CPPED1: variants seen among roughly 807,000 people sequenced by gnomAD.
CPPED1 encodes the protein serine/threonine-protein phosphatase CPPED1.
A neutral mutation model predicts 28.0 loss-of-function variants in CPPED1; 28 were observed. The ratio of observed to expected loss-of-function variants is 1.00; its 90% CI spans 0.74 to 1.37. The LOEUF (loss-of-function observed/expected upper bound fraction) is 1.37. CPPED1 is among the 40% of genes most tolerant of loss of function. CPPED1 has a pLI of 0.00. For synonymous variants in CPPED1, 198 were observed against 180.2 expected, an observed-to-expected ratio of 1.10 and a Z score of -0.79; for missense variants, 504 against 416.5, an observed-to-expected ratio of 1.21 and a Z score of -1.83.
intron 3 of CPPED1, among the ~76,000 whole-genome samples, chr16:12,693,101 G>T (rs1489987631): frequency 6.6e-6 from 1 of 152,158 alleles, no homozygotes; most frequent in East Asian, 1.9e-4. Context: ...TACAACTGAC[G>T]TGCTCAGTTT....
intron 1 of CPPED1, among the ~76,000 whole-genome samples, chr16:12,786,248 T>A (rs1317469702): frequency 6.6e-6 from 1 of 152,120 alleles, no homozygotes; most frequent in East Asian, 1.9e-4. Context: ...ATCCACTGGG[T>A]GAGGATCTGC....
intron 2 of CPPED1, among the ~76,000 whole-genome samples, chr16:12,770,953 A>G (rs8051507): frequency 0.42 from 62,933 of 151,034 alleles, 13,615 homozygotes; most frequent in African/African-American, 0.52. Context: ...TTTTGACCAC[A>G]GTGACCCCGA....
At chr16:12,803,678 C>A (rs984206020) in intron 1 of CPPED1, 29 bp downstream of exon 1, 4 of 1,490,750 alleles carry the variant, frequency 2.7e-6, no homozygotes, top group Admixed American at 5.0e-5. Context: ...GCCCCAGAGT[C>A]CCCTCCCCGG....
At chr16:12,742,363 T>C (rs558106461) in intron 2 of CPPED1, among the ~76,000 whole-genome samples, 3 of 152,312 alleles carry the variant, frequency 2.0e-5, no homozygotes, top group African/African-American at 2.4e-5. Flanking sequence ...TCGGACAAGA[T>C]GAGGAAGGTA....
chr16:12,769,903 C>A (rs2080460184), intron 2 of CPPED1, among the ~76,000 whole-genome samples: 1 of 152,170 alleles, frequency 6.6e-6, no homozygotes, highest in African/African-American at 2.4e-5. Context: ...TTTCTTGGAG[C>A]CTGGTGTAGA....
rs143409742 is a variant in CPPED1 at position 12,664,868 on chromosome 16, C to A, written c.*18G>T. On this transcript the variant is annotated 3_prime_UTR_variant, in exon 4 of 4. Transcript: ENST00000381774. The surrounding 1 kb of genome is among the most constrained non-coding windows in gnomAD (Gnocchi z 4.2). ...AAAAATAGTGCAAGTGAAAAGTGAACGGGAACGGGAAGGAGCGTCATTTTT... is the reference window on the plus strand; with the variant it reads ...AAAAATAGTGCAAGTGAAAAGTGAAAGGGAACGGGAAGGAGCGTCATTTTT... The A allele has an allele frequency of 2.5e-6, 4 of 1,607,662 alleles. No individual in the cohort carries two copies. The highest frequency in any genetic ancestry group is 3.4e-6 in the Non-Finnish European group (4 of 1,178,042).
intron 2 of CPPED1, among the ~76,000 whole-genome samples, chr16:12,762,116 T>A (rs2080413514): frequency 6.6e-6 from 1 of 152,102 alleles, no homozygotes. Flanking sequence ...AATAAACATA[T>A]CCTCGGCTAA....
At chr16:12,720,498 T>C (rs1351453847) in intron 2 of CPPED1, 1 of 152,254 alleles carries the variant, frequency 6.6e-6, no homozygotes. Context: ...TTATTTATTA[T>C]TTATTTTGAG....
At chr16:12,802,394 G>C (rs1032803449) in intron 1 of CPPED1, among the ~76,000 whole-genome samples, 3 of 152,126 alleles carry the variant, frequency 2.0e-5, no homozygotes, top group Non-Finnish European at 4.4e-5. Context: ...CTGATGTTGT[G>C]AGTTCGAGAC....
At chr16:12,722,440 T>C (rs1249857755) in intron 2 of CPPED1, among the ~76,000 whole-genome samples, 1 of 152,202 alleles carries the variant, frequency 6.6e-6, no homozygotes, top group Non-Finnish European at 1.5e-5. Flanking sequence ...TGCCATACTT[T>C]GTCAAATCCT....
intron 2 of CPPED1, among the ~76,000 whole-genome samples, chr16:12,777,146 A>G (rs942485868): frequency 1.3e-5 from 2 of 152,230 alleles, no homozygotes; most frequent in Non-Finnish European, 2.9e-5. Flanking sequence ...GTCACAGAAT[A>G]GTTGCCCAAG....
At chr16:12,702,678 G>C (rs1408740519) in intron 3 of CPPED1, among the ~76,000 whole-genome samples, 2 of 152,064 alleles carry the variant, frequency 1.3e-5, no homozygotes, top group Non-Finnish European at 2.9e-5. Flanking sequence ...AAAGAACTCA[G>C]GGCAGTCATG....
At position 12,744,246 on chromosome 16, in the gene CPPED1, G is replaced by T. The variant is rs141212737; in HGVS notation, c.289+36939C>A. Among the ~76,000 whole-genome samples the T allele has an allele frequency of 2.1e-5, 3 of 146,182 alleles. No individual in the cohort carries two copies. In the Admixed American group the frequency reaches 2.1e-4, roughly 10 times the overall value. ...AGATTGTGCCACTGCACTCCAGCCT[G>T]GGCGACAGAGCAAGACTCTGTGAAA... On this transcript the variant is annotated intron_variant, in intron 2 of 3. Transcript: ENST00000381774.
chr16:12,746,172 C>G (rs182754836), intron 2 of CPPED1, among the ~76,000 whole-genome samples: 5 of 151,934 alleles, frequency 3.3e-5, no homozygotes, highest in Admixed American at 3.3e-4. Context: ...GTCAGGAGTT[C>G]GAGACCAGCC....
chr16:12,713,419 G>T (rs908809505), intron 2 of CPPED1, among the ~76,000 whole-genome samples: 1 of 152,138 alleles, frequency 6.6e-6, no homozygotes, highest in Non-Finnish European at 1.5e-5. Flanking sequence ...AGGCTGGAGT[G>T]CAGTGGCGCA....
chr16:12,685,404 C>T (rs2141174780), intron 3 of CPPED1, among the ~76,000 whole-genome samples: 1 of 152,304 alleles, frequency 6.6e-6, no homozygotes, highest in South Asian at 2.1e-4. Flanking sequence ...GAGCCGAGAT[C>T]ATGCCACTGC....
chr16:12,762,019 A>AC (rs1272986954), intron 2 of CPPED1, among the ~76,000 whole-genome samples: 1 of 151,894 alleles, frequency 6.6e-6, no homozygotes, highest in Non-Finnish European at 1.5e-5. Flanking sequence ...TGTCTCCAAA[A>AC]AAAAAAAAGT....
chr16:12,696,769 G>C (rs904414181), intron 3 of CPPED1, among the ~76,000 whole-genome samples: 1 of 151,930 alleles, frequency 6.6e-6, no homozygotes, highest in Non-Finnish European at 1.5e-5. Flanking sequence ...TTTTATATAT[G>C]ACTCTCCTTA....
At chr16:12,713,288 A>T (rs1475106609) in intron 2 of CPPED1, among the ~76,000 whole-genome samples, 7 of 152,210 alleles carry the variant, frequency 4.6e-5, no homozygotes, top group African/African-American at 1.4e-4. Flanking sequence ...TGTCTCTGCT[A>T]CTATTTTGAT....
Sources: gnomAD v4.1 joint callset for allele counts (sites outside exome capture counted in the v4.1 genomes callset) on GRCh38, gnomAD v4.1.1 for gene constraint, Gnocchi (gnomAD v3.1) non-coding constraint, MANE v1.5 for transcripts, NCBI Gene and HGNC (gene_info 2026-07-23, HGNC 2026-07-21) for gene names.